Variants in RAPGEF2 observed in about 807,000 individuals in gnomAD.
RAPGEF2 encodes PDZ domain containing guanine nucleotide exchange factor (GEF) 1.
In RAPGEF2, 54 loss-of-function variants were observed where a neutral mutation model predicts 186.7. The observed-to-expected ratio is 0.29, with a 90% CI of 0.23 to 0.36. The LOEUF is 0.36. Among genes scored for constraint, RAPGEF2 ranks in the 10% least tolerant of loss-of-function variants. The pLI, the probability that RAPGEF2 is intolerant of heterozygous loss-of-function variation, is 1.00. For missense variants in RAPGEF2, 1,532 were observed against 2,045.0 expected, an observed-to-expected ratio of 0.75 and a Z score of 4.84; for synonymous variants, 712 against 705.9, an observed-to-expected ratio of 1.01 and a Z score of -0.14.
At chr4:159,134,140 T>C (rs1741437214) in intron 1 of RAPGEF2, among the ~76,000 whole-genome samples, 1 of 152,174 alleles carries the variant, frequency 6.6e-6, no homozygotes, top group Non-Finnish European at 1.5e-5. Flanking sequence ...GGCAGTCCTC[T>C]CCGTCTAGCC....
rs1739730252 is a variant in RAPGEF2 at position 159,121,918 on chromosome 4, C to T, written c.69+17687C>T. Among the ~76,000 whole-genome samples, 9 of 149,388 alleles carry T rather than the reference C, an allele frequency of 6.0e-5. No homozygotes were observed. In the South Asian group the frequency reaches 1.9e-3, roughly 32 times the overall value. On this transcript the variant is annotated intron_variant, in intron 1 of 29. Coordinates refer to ENST00000691494, the MANE Select transcript of RAPGEF2 (RefSeq NM_001394067.2). ...CGGGCATAGGTGGTGCATGCCTGTA[C>T]TCCCAGCTACTCGGGAGGCTGAGGC...
chr4:159,204,058 A>G (rs1749717184), intron 3 of RAPGEF2, among the ~76,000 whole-genome samples: 2 of 152,220 alleles, frequency 1.3e-5, no homozygotes. Context: ...GGTTCATCAG[A>G]AGGATGTCAT....
intron 7 of RAPGEF2, among the ~76,000 whole-genome samples, chr4:159,272,696 AC>A (rs1376349555): frequency 6.6e-6 from 1 of 152,234 alleles, no homozygotes; most frequent in East Asian, 1.9e-4. Context: ...TGGAAGAATA[AC>A]ATGTGAGGGC....
rs563396529 is a variant in RAPGEF2 at position 159,170,599 on chromosome 4, C to G, written c.70-16043C>G. Among the ~76,000 whole-genome samples, 10 of 152,288 alleles carry G rather than the reference C, an allele frequency of 6.6e-5. No individual in the cohort carries two copies. In the East Asian group the frequency reaches 1.9e-3, roughly 29 times the overall value. On this transcript the variant is annotated intron_variant, in intron 1 of 29. Transcript: ENST00000691494. ...TAAGGAAAATCCTCGGGGGCGGGTTCTGGAAGCAACCCATCATGGATACTA... is the reference window on the plus strand; with the variant it reads ...TAAGGAAAATCCTCGGGGGCGGGTTGTGGAAGCAACCCATCATGGATACTA...
intron 1 of RAPGEF2, among the ~76,000 whole-genome samples, chr4:159,128,157 A>G (rs1298211215): frequency 6.6e-6 from 1 of 152,150 alleles, no homozygotes; most frequent in Non-Finnish European, 1.5e-5. Flanking sequence ...CATCTAGTAA[A>G]ATCCAAGAAG....
chr4:159,295,745 G>T (rs868792356), intron 7 of RAPGEF2, among the ~76,000 whole-genome samples: 252 of 129,844 alleles, frequency 1.9e-3, no homozygotes, highest in African/African-American at 8.0e-3. Flanking sequence ...GTGTGTGTGT[G>T]TGTGTGTGTG....
At chr4:159,280,142 T>G (rs1053205598) in intron 7 of RAPGEF2, among the ~76,000 whole-genome samples, 1 of 152,174 alleles carries the variant, frequency 6.6e-6, no homozygotes, top group African/African-American at 2.4e-5. Context: ...ACTATTTGGG[T>G]GATATGATTG....
chr4:159,113,273 T>G (rs1263110745), intron 1 of RAPGEF2, among the ~76,000 whole-genome samples: 1 of 152,226 alleles, frequency 6.6e-6, no homozygotes, highest in Non-Finnish European at 1.5e-5. Flanking sequence ...TTACCACAAT[T>G]ATTGTAGATG....
chr4:159,287,176 G>A (rs1760615759), intron 7 of RAPGEF2, among the ~76,000 whole-genome samples: 1 of 151,830 alleles, frequency 6.6e-6, no homozygotes, highest in African/African-American at 2.4e-5. Flanking sequence ...TGGGTATAAA[G>A]ACTGGAGGCA....
chr4:159,135,313 T>C (rs1443038890), intron 1 of RAPGEF2, among the ~76,000 whole-genome samples: 1 of 152,216 alleles, frequency 6.6e-6, no homozygotes, highest in African/African-American at 2.4e-5. Flanking sequence ...CCCAAAGTGC[T>C]GGGATTACAG....
intron 1 of RAPGEF2, among the ~76,000 whole-genome samples, chr4:159,134,757 T>A (rs1039095046): frequency 6.6e-6 from 1 of 152,250 alleles, no homozygotes; most frequent in Non-Finnish European, 1.5e-5. Context: ...CCATTTAAAG[T>A]ATATAATCAG....
chr4:159,118,628 C>G (rs1739317883), intron 1 of RAPGEF2, among the ~76,000 whole-genome samples: 1 of 152,022 alleles, frequency 6.6e-6, no homozygotes. Context: ...TCTTGTTGCC[C>G]AGGCTGGAGT....
At chr4:159,173,057 A>G (rs916654922) in intron 1 of RAPGEF2, among the ~76,000 whole-genome samples, 4 of 152,126 alleles carry the variant, frequency 2.6e-5, no homozygotes, top group Non-Finnish European at 5.9e-5. Context: ...CTTTAATTAC[A>G]TATGTCGAAT....
chr4:159,190,208 A>G (rs1055167801), intron 2 of RAPGEF2, among the ~76,000 whole-genome samples: 6 of 152,210 alleles, frequency 3.9e-5, no homozygotes, highest in Non-Finnish European at 5.9e-5. Context: ...AGCAAATAGC[A>G]TAGGAGTTTG....
chr4:159,219,774 G>A (rs1245879900), intron 4 of RAPGEF2, among the ~76,000 whole-genome samples: 1 of 152,184 alleles, frequency 6.6e-6, no homozygotes, highest in Non-Finnish European at 1.5e-5. Context: ...GTCTTTTCAA[G>A]AGATTCCTTA....
intron 7 of RAPGEF2, among the ~76,000 whole-genome samples, chr4:159,300,904 A>G (rs375216436): frequency 5.3e-5 from 8 of 152,168 alleles, no homozygotes; most frequent in Admixed American, 1.3e-4. Context: ...CTCAACCCCT[A>G]CATGGTTTGT....
At chr4:159,131,783 G>C (rs1193657616) in intron 1 of RAPGEF2, among the ~76,000 whole-genome samples, 2 of 151,258 alleles carry the variant, frequency 1.3e-5, no homozygotes, top group Non-Finnish European at 2.9e-5. Flanking sequence ...CAAAGACTTG[G>C]CATACTCGAT....
intron 4 of RAPGEF2, among the ~76,000 whole-genome samples, chr4:159,222,494 A>C (rs925871791): frequency 2.0e-5 from 3 of 152,220 alleles, no homozygotes; most frequent in African/African-American, 7.2e-5. Flanking sequence ...CTCTTGAAGA[A>C]ATAAATAATG....
In RAPGEF2 at chr4:159,229,788, T is replaced by C. The variant is rs116756417; in HGVS notation, c.282-9021T>C. 8.0e-3 allele frequency among the ~76,000 whole-genome samples: 1,215 copies of C among 152,368 alleles called. 15 individuals carry two copies. Among genetic ancestry groups the C allele is most frequent in the African/African-American group, 0.027 (1,138 of 41,584 alleles). ...ATGAGAATGAAAGTCTGAATTGTTATACTGTTTTTAGAGCAGTTGTTCCTT... is the reference window on the plus strand; with the variant it reads ...ATGAGAATGAAAGTCTGAATTGTTACACTGTTTTTAGAGCAGTTGTTCCTT... On this transcript the variant is annotated intron_variant, in intron 4 of 29. Transcript: ENST00000691494.
Sources: gnomAD v4.1 joint callset for allele counts (sites outside exome capture counted in the v4.1 genomes callset) on GRCh38, gnomAD v4.1.1 for gene constraint, MANE v1.5 for transcripts, NCBI Gene and HGNC (gene_info 2026-07-23, HGNC 2026-07-21) for gene names.